UTP18: variants seen among roughly 807,000 people sequenced by gnomAD.
UTP18 encodes UTP18 small subunit processome component, also known as U3 small nucleolar RNA-associated protein 18 homolog.
Under a neutral mutation model 61.1 loss-of-function variants are expected in UTP18, and 36 were observed. That is an observed-to-expected ratio of 0.59 (90% CI 0.45 to 0.78). UTP18 has a LOEUF of 0.78. Ranked by LOEUF, UTP18 falls within the 30% of genes least tolerant of loss-of-function variation. The pLI is 0.00. For synonymous variants in UTP18, 282 were observed against 251.1 expected, an observed-to-expected ratio of 1.12 and a Z score of -1.16; for missense variants, 753 against 693.9, an observed-to-expected ratio of 1.09 and a Z score of -0.96.
intron 4 of UTP18, among the ~76,000 whole-genome samples, chr17:51,271,346 G>A (rs1475817734): frequency 3.3e-5 from 5 of 151,378 alleles, no homozygotes; most frequent in East Asian, 1.9e-4. Context: ...TCACTCTATC[G>A]CCCAGTCTGG....
chr17:51,274,624 G>GT lies in UTP18; in HGVS notation c.711+1181dup, dbSNP rs747652638. Among the ~76,000 whole-genome samples, 6 of 151,300 alleles carry GT rather than the reference G, an allele frequency of 4.0e-5. No individual in the cohort carries two copies. In the East Asian group the frequency reaches 7.9e-4, roughly 20 times the overall value. On this transcript the variant is annotated intron_variant, in intron 5 of 13. Transcript: ENST00000225298. Reference sequence around the variant, plus strand: ...GCCTGGCTAATTTTTTTTTGTTTTTGTTTTTTTGGTAGAGACAGGGTTTCT... The same window carrying GT: ...GCCTGGCTAATTTTTTTTTGTTTTTGTTTTTTTTGGTAGAGACAGGGTTTCT...
At chr17:51,285,171 T>C in intron 9 of UTP18, 74 bp from the exon 10 acceptor site, 1 of 1,563,308 alleles carries the variant, frequency 6.4e-7, no homozygotes, top group Admixed American at 1.7e-5. Context: ...TAAGAGGGAC[T>C]GAGAGTGGCC....
intron 7 of UTP18, among the ~76,000 whole-genome samples, chr17:51,277,634 T>C (rs2144416507): frequency 6.6e-6 from 1 of 152,316 alleles, no homozygotes; most frequent in South Asian, 2.1e-4. Context: ...TGGATTCCAT[T>C]TCTTTGGACA....
Position 51,282,160 on chromosome 17 carries a change from G to C in UTP18, c.1204+1681G>C, listed in dbSNP as rs543258244. 9.2e-5 allele frequency among the ~76,000 whole-genome samples: 14 copies of C among 152,294 alleles called. No individual in the cohort carries two copies. In the South Asian group the frequency reaches 2.9e-3, roughly 32 times the overall value. ...TTTGGTAGCGGGAGACTTTCAAGTG[G>C]TTCTGCTCTGTGGGTAGTAGTCAGC... On this transcript the variant is annotated intron_variant, in intron 9 of 13. Transcript: ENST00000225298.
At chr17:51,273,595 A>ATT (rs1904606727) in intron 5 of UTP18, 145 bp downstream of exon 5, 9 of 443,942 alleles carry the variant, frequency 2.0e-5, no homozygotes, top group Admixed American at 4.8e-5. Context: ...TACTTATGTT[A>ATT]TTGTTTTTTT....
At chr17:51,271,903 A>G (rs914954396) in intron 4 of UTP18, among the ~76,000 whole-genome samples, 4 of 151,892 alleles carry the variant, frequency 2.6e-5, no homozygotes, top group African/African-American at 7.2e-5. Flanking sequence ...CCTGACCTCA[A>G]GTGATCCACT....
chr17:51,277,884 C>G (rs1904782849), intron 7 of UTP18, among the ~76,000 whole-genome samples: 1 of 152,200 alleles, frequency 6.6e-6, no homozygotes, highest in Non-Finnish European at 1.5e-5. Flanking sequence ...CCAAAATACA[C>G]CGACACCTTC....
intron 2 of UTP18, among the ~76,000 whole-genome samples, chr17:51,264,926 G>A (rs973645640): frequency 6.6e-6 from 1 of 152,036 alleles, no homozygotes; most frequent in African/African-American, 2.4e-5. Context: ...CAAGTGACCT[G>A]TTTGCCTCGG....
chr17:51,296,100 G>A (rs891494548), intron 12 of UTP18, among the ~76,000 whole-genome samples: 5 of 152,174 alleles, frequency 3.3e-5, no homozygotes, highest in Non-Finnish European at 7.4e-5. Flanking sequence ...GTTCTTTTCT[G>A]TACCCAACAT....
chr17:51,277,830 T>C (rs552147566), intron 7 of UTP18, among the ~76,000 whole-genome samples: 7 of 152,326 alleles, frequency 4.6e-5, no homozygotes, highest in East Asian at 1.9e-4. Context: ...ATCTGCCCTC[T>C]ACCATACCCA....
intron 11 of UTP18, among the ~76,000 whole-genome samples, chr17:51,291,902 G>T (rs749584544): frequency 6.6e-6 from 1 of 152,194 alleles, no homozygotes; most frequent in African/African-American, 2.4e-5. Flanking sequence ...AGTATCAGGT[G>T]AATAGGGTGG....
intron 11 of UTP18, among the ~76,000 whole-genome samples, chr17:51,291,160 G>A (rs111459169): frequency 1.4e-4 from 22 of 152,230 alleles, no homozygotes; most frequent in African/African-American, 4.1e-4. Flanking sequence ...TTGTGAGGCC[G>A]AGGCAGATGG....
At chr17:51,292,761 C>T (rs1172399130) in intron 11 of UTP18, among the ~76,000 whole-genome samples, 1 of 152,192 alleles carries the variant, frequency 6.6e-6, no homozygotes, top group East Asian at 1.9e-4. Context: ...TGGGTGAGGA[C>T]CTGTCTCAAC....
chr17:51,295,582 C>A lies in UTP18; in HGVS notation c.1647-1383C>A, dbSNP rs867797967. Among the ~76,000 whole-genome samples the A allele has an allele frequency of 4.3e-3, 657 of 151,980 alleles. 7 individuals are homozygous for A. Among genetic ancestry groups the A allele is most frequent in the African/African-American group, 0.015 (609 of 41,484 alleles). The stretch of plus-strand genomic sequence containing the variant: ...ATATCTCTGTTTTGGTACCAGTACC[C>A]TGCTGTTTTGGTTACTGTAGCCTTG... On this transcript the variant is annotated intron_variant, in intron 12 of 13. Coordinates refer to ENST00000225298, the MANE Select transcript of UTP18 (RefSeq NM_016001.3).
At chr17:51,282,460 AAATG>A (rs1904965396) in intron 9 of UTP18, among the ~76,000 whole-genome samples, 2 of 151,762 alleles carry the variant, frequency 1.3e-5, no homozygotes, top group Admixed American at 6.6e-5. Context: ...AGAAAGAAGA[AAATG>A]AAGAGAAAGA....
chr17:51,276,030 A>G (rs1904710417), intron 6 of UTP18, 39 bp downstream of exon 6: 2 of 1,561,378 alleles, frequency 1.3e-6, no homozygotes, highest in Admixed American at 4.0e-5. Context: ...CTAATGCATT[A>G]TTTTTATTTA....
Position 51,263,285 on chromosome 17 carries a change from T to C in UTP18, c.354T>C (p.His118=). ...RRLRGPRVQE[H]EDSGDSEVEN... The stretch of plus-strand genomic sequence containing the variant: ...TTTGTCTGCTGTAGGTTCAAGAACA[T>C]GAAGACTCGGGTGACTCAGAAGTGG... The change falls in exon 2 of 14, where the codon CAT becomes CAC. Residue 118 remains histidine (H), a synonymous_variant. Transcript: ENST00000225298. The C allele has an allele frequency of 6.2e-7, 1 of 1,614,154 alleles. No individual in the cohort carries two copies. The highest frequency in any genetic ancestry group is 8.5e-7 in the Non-Finnish European group (1 of 1,180,024).
At chr17:51,295,676 T>A (rs547590582) in intron 12 of UTP18, among the ~76,000 whole-genome samples, 9 of 152,078 alleles carry the variant, frequency 5.9e-5, no homozygotes, top group South Asian at 2.1e-4. Flanking sequence ...TTGACTTGGC[T>A]ATGCGGGCTC....
chr17:51,290,689 T>C (rs1249207261), intron 11 of UTP18, among the ~76,000 whole-genome samples: 1 of 152,230 alleles, frequency 6.6e-6, no homozygotes, highest in Non-Finnish European at 1.5e-5. Flanking sequence ...AGTTCTGCAT[T>C]GTTTGCTTCA....
Sources: gnomAD v4.1 joint callset for allele counts (sites outside exome capture counted in the v4.1 genomes callset) on GRCh38, gnomAD v4.1.1 for gene constraint, MANE v1.5 for transcripts, NCBI Gene and HGNC (gene_info 2026-07-23, HGNC 2026-07-21) for gene names.